TPRG1: variants seen among roughly 807,000 people sequenced by gnomAD.
TPRG1 encodes tumor protein p63-regulated gene 1 protein.
TPRG1 carries 29 observed loss-of-function variants against 29.3 expected under a neutral mutation model. That is an observed-to-expected ratio of 0.99 (90% CI 0.74 to 1.35). TPRG1 has a LOEUF of 1.35. Among genes scored for constraint, TPRG1 ranks in the 40% most tolerant of loss-of-function variants. The pLI, the probability that TPRG1 is intolerant of heterozygous loss-of-function variation, is 0.00. For missense variants in TPRG1, 327 were observed against 335.0 expected (o/e 0.98, Z 0.19); for synonymous variants, 130 against 116.8 (o/e 1.11, Z -0.73).
At chr3:189,206,058 T>C (rs376564843) in intron 1 of TPRG1, among the ~76,000 whole-genome samples, 7,358 of 135,000 alleles carry the variant, frequency 0.055, 245 homozygotes, top group Middle Eastern at 0.11. Flanking sequence ...CTTCTGTCTT[T>C]CTTTCTTTTT....
chr3:189,222,029 CTT>C (rs1320637147), intron 3 of TPRG1, among the ~76,000 whole-genome samples: 9 of 151,770 alleles, frequency 5.9e-5, no homozygotes, highest in Admixed American at 5.2e-4. Context: ...GTTAAATAAT[CTT>C]TGTGCCTGTG....
chr3:189,222,791 C>G (rs1448583453), intron 3 of TPRG1, among the ~76,000 whole-genome samples: 2 of 152,166 alleles, frequency 1.3e-5, no homozygotes, highest in Non-Finnish European at 2.9e-5. Flanking sequence ...CATTATGAGC[C>G]TTTACAAATT....
At position 189,323,378 on chromosome 3, in the gene TPRG1, T is replaced by C. The variant is rs1275933255; in HGVS notation, c.*2558T>C. The C allele has an allele frequency of 6.6e-6, 1 of 152,144 alleles. No individual in the cohort carries two copies. The highest frequency in any genetic ancestry group is 2.4e-5 in the African/African-American group (1 of 41,446). 9.4% of individuals were successfully genotyped at this position (152,144 alleles called of 1,614,324 possible). A position where few individuals can be genotyped will look rare whatever the true frequency, so the allele number is the denominator to read the frequency against. ...TTTCCTAAGGTTTAATTTCCTCTTC[T>C]GCGAAATGGAGACAATTATATTACT... On this transcript the variant is annotated 3_prime_UTR_variant, in exon 6 of 6. Coordinates refer to ENST00000345063, the MANE Select transcript of TPRG1 (RefSeq NM_198485.4).
At chr3:189,207,788 T>C (rs183987029) in intron 2 of TPRG1, among the ~76,000 whole-genome samples, 194 bp downstream of exon 2, 16 of 152,324 alleles carry the variant, frequency 1.1e-4, no homozygotes, top group African/African-American at 3.8e-4. Flanking sequence ...AAGATCTATG[T>C]TTGATTCCAC....
chr3:189,236,625 G>A (rs1373966903), intron 3 of TPRG1, among the ~76,000 whole-genome samples: 1 of 152,160 alleles, frequency 6.6e-6, no homozygotes, highest in Non-Finnish European at 1.5e-5. Context: ...CTGTACTATG[G>A]TATTCTAGCT....
intron 4 of TPRG1, among the ~76,000 whole-genome samples, chr3:189,149,044 T>C (rs1032291558): frequency 6.6e-6 from 1 of 152,240 alleles, no homozygotes; most frequent in Non-Finnish European, 1.5e-5. Context: ...CTATCCCTCC[T>C]ATGTCATAGG....
At chr3:189,213,703 A>T (rs189743146) in intron 2 of TPRG1, among the ~76,000 whole-genome samples, 1 of 152,326 alleles carries the variant, frequency 6.6e-6, no homozygotes, top group Non-Finnish European at 1.5e-5. Flanking sequence ...TTTAAGAGTT[A>T]CTTTAGGCAT....
rs1383950126 is a variant in TPRG1, at chr3:189,019,759, G to A, written c.-659-3991G>A. 1.9e-3 allele frequency among the ~76,000 whole-genome samples: 284 copies of A among 151,154 alleles called. 1 individual carries two copies. The highest frequency in any genetic ancestry group is 3.1e-3 in the Non-Finnish European group (211 of 67,696). ...ATGCTGGCCTCATAAAATGAGTTAGGGAGGATTCCCTCTTTTTCTATTGAT... is the reference window on the plus strand; with the variant it reads ...ATGCTGGCCTCATAAAATGAGTTAGAGAGGATTCCCTCTTTTTCTATTGAT... On this transcript the variant is annotated intron_variant, in intron 3 of 10. Transcript: ENST00000433971.
At chr3:189,302,831 C>T (rs898840980) in intron 4 of TPRG1, among the ~76,000 whole-genome samples, 3 of 152,126 alleles carry the variant, frequency 2.0e-5, no homozygotes, top group Non-Finnish European at 2.9e-5. Context: ...ATCATTTGCC[C>T]ATCACCCCAA....
chr3:189,139,712 C>T (rs1235266729), intron 3 of TPRG1, among the ~76,000 whole-genome samples: 1 of 150,642 alleles, frequency 6.6e-6, no homozygotes, highest in African/African-American at 2.4e-5. Flanking sequence ...TACTCCCCCA[C>T]ATCTCGCTAA....
intron 1 of TPRG1, among the ~76,000 whole-genome samples, chr3:189,183,710 TG>T (rs1730545115): frequency 6.6e-6 from 1 of 152,112 alleles, no homozygotes; most frequent in South Asian, 2.1e-4. Flanking sequence ...CTGTTCCACC[TG>T]GCTCACCAGA....
intron 4 of TPRG1, among the ~76,000 whole-genome samples, chr3:189,290,702 C>T (rs1315561120): frequency 6.6e-6 from 1 of 152,110 alleles, no homozygotes; most frequent in East Asian, 1.9e-4. Context: ...TAGAAGAAGA[C>T]GTTTAGGAGA....
intron 1 of TPRG1, among the ~76,000 whole-genome samples, chr3:189,197,772 C>G (rs545778296): frequency 2.0e-5 from 3 of 152,154 alleles, no homozygotes; most frequent in Admixed American, 2.0e-4. Context: ...ATGTTTCTAA[C>G]CAAAACCAAA....
At chr3:189,288,157 A>G (rs971449732) in intron 4 of TPRG1, among the ~76,000 whole-genome samples, 1 of 152,018 alleles carries the variant, frequency 6.6e-6, no homozygotes, top group Non-Finnish European at 1.5e-5. Flanking sequence ...AAATTTAGCT[A>G]AATAATAAAA....
intron 4 of TPRG1, among the ~76,000 whole-genome samples, chr3:189,289,027 A>G (rs1718547768): frequency 1.3e-5 from 2 of 152,222 alleles, no homozygotes; most frequent in South Asian, 4.1e-4. Flanking sequence ...GGTAAGTCTA[A>G]GAGAGTAAAA....
Position 189,078,077 on chromosome 3 carries a change from CTTTCTCT to C in TPRG1, c.-462-48979_-462-48973del, listed in dbSNP as rs1317792387. Among the ~76,000 whole-genome samples the C allele has an allele frequency of 4.6e-3, 362 of 79,522 alleles. 3 individuals are homozygous for C. Among genetic ancestry groups the C allele is most frequent in the South Asian group, 0.01 (17 of 1,642 alleles). 52.2% of individuals were successfully genotyped at this position (79,522 alleles called of 152,430 possible). ...CTTCCTTCCTTTCTCTCCTTTCTCT[CTTTCTCT>C]CTTTCTCTCTTTCTTTCTTTCTTTC... On this transcript the variant is annotated intron_variant, in intron 4 of 10. Transcript: ENST00000433971.
chr3:189,102,260 C>T (rs1719295078), intron 1 of TPRG1, among the ~76,000 whole-genome samples: 1 of 152,096 alleles, frequency 6.6e-6, no homozygotes, highest in Non-Finnish European at 1.5e-5. Context: ...TAGTTTCTAC[C>T]TCCTAGGGCT....
At chr3:189,115,598 A>C (rs1393321882) in intron 1 of TPRG1, among the ~76,000 whole-genome samples, 1 of 152,232 alleles carries the variant, frequency 6.6e-6, no homozygotes, top group South Asian at 2.1e-4. Flanking sequence ...CTTACACAAT[A>C]TATTCTGCCA....
At chr3:189,189,061 A>G (rs937536983) in intron 1 of TPRG1, among the ~76,000 whole-genome samples, 2 of 152,120 alleles carry the variant, frequency 1.3e-5, no homozygotes, top group African/African-American at 4.8e-5. Flanking sequence ...ATTTTTGAGT[A>G]TTTTTACTGG....
Sources: gnomAD v4.1 joint callset for allele counts (sites outside exome capture counted in the v4.1 genomes callset) on GRCh38, gnomAD v4.1.1 for gene constraint, MANE v1.5 for transcripts, NCBI Gene and HGNC (gene_info 2026-07-23, HGNC 2026-07-21) for gene names.